The following PLA2G4A variants were observed in gnomAD, a reference collection of about 807,000 sequenced individuals.
PLA2G4A encodes the protein cytosolic phospholipase A2.
In PLA2G4A, 40 loss-of-function variants were observed where a neutral mutation model predicts 81.9. That is an observed-to-expected ratio of 0.49 (90% CI 0.38 to 0.64). The LOEUF is 0.64. PLA2G4A is among the 30% of genes least tolerant of loss of function. PLA2G4A has a pLI of 0.00. For missense variants in PLA2G4A, 715 were observed against 905.1 expected (o/e 0.79, Z 2.69); for synonymous variants, 302 against 296.9 (o/e 1.02, Z -0.18).
At chr1:186,918,135 G>C (rs1655214652) in intron 7 of PLA2G4A, among the ~76,000 whole-genome samples, 1 of 152,196 alleles carries the variant, frequency 6.6e-6, no homozygotes, top group Non-Finnish European at 1.5e-5. Context: ...TATGTACCAG[G>C]TCAGGTGTTT....
At chr1:186,897,506 A>G (rs1248005666) in intron 5 of PLA2G4A, among the ~76,000 whole-genome samples, 2 of 151,878 alleles carry the variant, frequency 1.3e-5, no homozygotes, top group Admixed American at 6.6e-5. Context: ...TTTTATTTTT[A>G]TTTTTATTTA....
chr1:186,987,370 G>A (rs1432656097), intron 17 of PLA2G4A, among the ~76,000 whole-genome samples: 1 of 152,224 alleles, frequency 6.6e-6, no homozygotes, highest in African/African-American at 2.4e-5. Flanking sequence ...GTGGCAAGGG[G>A]CTGAAAAGCC....
At chr1:186,835,075 T>G (rs903820698) in intron 1 of PLA2G4A, among the ~76,000 whole-genome samples, 1 of 152,182 alleles carries the variant, frequency 6.6e-6, no homozygotes, top group African/African-American at 2.4e-5. Flanking sequence ...AGGTCAGGTT[T>G]TACTGCTGGA....
intron 15 of PLA2G4A, among the ~76,000 whole-genome samples, chr1:186,974,148 C>A (rs969198250): frequency 2.0e-4 from 31 of 151,778 alleles, no homozygotes; most frequent in African/African-American, 7.5e-4. Context: ...AATGAAATGG[C>A]ATATATATGC....
chr1:186,866,479 T>C (rs1653033254), intron 2 of PLA2G4A, among the ~76,000 whole-genome samples: 2 of 152,140 alleles, frequency 1.3e-5, no homozygotes, highest in African/African-American at 4.8e-5. Flanking sequence ...TAATCACACC[T>C]ATTCTTTAGG....
rs182374856 is a variant in PLA2G4A, at chr1:186,863,954, G to A, written c.34-6481G>A. 2.4e-3 allele frequency among the ~76,000 whole-genome samples: 362 copies of A among 151,950 alleles called. 1 individual carries two copies. The highest frequency in any genetic ancestry group is 8.3e-3 in the African/African-American group (344 of 41,444). On this transcript the variant is annotated intron_variant, in intron 2 of 17. Coordinates refer to ENST00000367466, the MANE Select transcript of PLA2G4A (RefSeq NM_024420.3). ...TTTTTATATTTTTAGTAGAGATGGGGTTTCACCATATTGGCCGGGCTGGTC... is the reference window on the plus strand; with the variant it reads ...TTTTTATATTTTTAGTAGAGATGGGATTTCACCATATTGGCCGGGCTGGTC...
At chr1:186,886,126 T>C (rs1250600353) in intron 3 of PLA2G4A, among the ~76,000 whole-genome samples, 3 of 152,166 alleles carry the variant, frequency 2.0e-5, no homozygotes, top group African/African-American at 7.2e-5. Flanking sequence ...ATCCTGAAGA[T>C]ATTGAACAAA....
At chr1:186,876,598 G>C (rs1163240279) in intron 3 of PLA2G4A, among the ~76,000 whole-genome samples, 1 of 152,130 alleles carries the variant, frequency 6.6e-6, no homozygotes, top group African/African-American at 2.4e-5. Flanking sequence ...CAACCCGTCT[G>C]TTAAATGTTG....
At chr1:186,935,580 C>A (rs1229244546) in intron 8 of PLA2G4A, among the ~76,000 whole-genome samples, 1 of 151,664 alleles carries the variant, frequency 6.6e-6, no homozygotes, top group Non-Finnish European at 1.5e-5. Context: ...AGACAGGACA[C>A]AAGATTGAAA....
chr1:186,929,917 C>T (rs964702984), intron 7 of PLA2G4A, among the ~76,000 whole-genome samples: 1 of 151,940 alleles, frequency 6.6e-6, no homozygotes, highest in Admixed American at 6.6e-5. Flanking sequence ...CAAAAATTAG[C>T]CAGGTGTGGT....
chr1:186,957,405 C>T (rs1656793037), intron 14 of PLA2G4A, among the ~76,000 whole-genome samples: 1 of 152,218 alleles, frequency 6.6e-6, no homozygotes, highest in Admixed American at 6.5e-5. Flanking sequence ...AAAACCACTT[C>T]AGAATCATCC....
chr1:186,932,845 A>G lies in PLA2G4A; in HGVS notation c.641A>G (p.Glu214Gly), dbSNP rs766277764. 8.7e-6 allele frequency: 14 copies of G among 1,613,080 alleles called. No homozygotes were observed. The Admixed American group carries it at 1.7e-4, about 19-fold the overall frequency. ...GFSGVMKALY[E>G]SGILDCATYV... ...TCTGGTGTGATGAAGGCATTATACG[A>G]ATCAGGAATTCTGGATTGTGCTACC... The change falls in exon 8 of 18, where the codon GAA becomes GGA. Residue 214 changes from glutamate to glycine, a missense_variant. Physicochemically the swap from Glu to Gly is moderately conservative, Grantham distance 98. Transcript: ENST00000367466.
rs1558367811 is a variant in PLA2G4A, at chr1:186,857,135, T to TAATTA, written c.33+2748_33+2749insAATTA. On this transcript the variant is annotated intron_variant, in intron 2 of 17. Coordinates refer to ENST00000367466, the MANE Select transcript of PLA2G4A (RefSeq NM_024420.3). ...ATTATATAATATTCTATAATATATA[T>TAATTA]TATATAATTATATAATTACATAATA... 7.7e-4 allele frequency among the ~76,000 whole-genome samples: 32 copies of TAATTA among 41,798 alleles called. 2 individuals carry two copies. The South Asian group carries it at 0.017, about 23-fold the overall frequency. The allele number at this position is 41,798 out of a possible 152,430, so 27.4% of individuals were successfully genotyped here. A position where few individuals can be genotyped will look rare whatever the true frequency, so the allele number is the denominator to read the frequency against.
intron 1 of PLA2G4A, among the ~76,000 whole-genome samples, chr1:186,833,067 T>C (rs1348753567): frequency 6.6e-6 from 1 of 152,144 alleles, no homozygotes; most frequent in Non-Finnish European, 1.5e-5. Context: ...GCCTGAATCA[T>C]GTAAAGAAGA....
chr1:186,943,278 G>A (rs959279739), intron 10 of PLA2G4A, among the ~76,000 whole-genome samples: 1 of 152,132 alleles, frequency 6.6e-6, no homozygotes, highest in African/African-American at 2.4e-5. Context: ...TGTTTAAACT[G>A]TTAGAAATTC....
At chr1:186,985,308 T>C (rs897477656) in intron 17 of PLA2G4A, among the ~76,000 whole-genome samples, 2 of 152,202 alleles carry the variant, frequency 1.3e-5, no homozygotes, top group African/African-American at 4.8e-5. Context: ...TGTGTATTTA[T>C]TAATTTTGCA....
intron 3 of PLA2G4A, among the ~76,000 whole-genome samples, chr1:186,874,807 T>C (rs1250852166): frequency 6.6e-6 from 1 of 152,128 alleles, no homozygotes; most frequent in Non-Finnish European, 1.5e-5. Context: ...ATCGTATTAA[T>C]ATCTTAACAT....
chr1:186,842,381 C>T (rs760043219), intron 1 of PLA2G4A, among the ~76,000 whole-genome samples: 2 of 152,044 alleles, frequency 1.3e-5, no homozygotes, highest in Non-Finnish European at 2.9e-5. Flanking sequence ...CTTCTCTGGC[C>T]GATTTTCTCC....
chr1:186,847,946 CA>C (rs1652242116), intron 1 of PLA2G4A, among the ~76,000 whole-genome samples: 2 of 152,210 alleles, frequency 1.3e-5, no homozygotes, highest in South Asian at 4.1e-4. Context: ...ATTGCATTCT[CA>C]GGGTTTGTTG....
Sources: allele counts gnomAD v4.1 joint callset (sites outside exome capture counted in the v4.1 genomes callset), GRCh38; gene constraint gnomAD v4.1.1; transcripts MANE v1.5; gene names NCBI Gene and HGNC (gene_info 2026-07-23, HGNC 2026-07-21).